Variants in ROBO1 observed in about 807,000 individuals in gnomAD.
ROBO1 encodes roundabout homolog 1.
ROBO1 carries 149 observed loss-of-function variants against 195.9 expected under a neutral mutation model. The observed-to-expected ratio is 0.76, with a 90% CI of 0.67 to 0.87. The LOEUF is 0.87. ROBO1 is among the 40% of genes least tolerant of loss of function. ROBO1 has a pLI of 0.00. For synonymous variants in ROBO1, 816 were observed against 733.2 expected (o/e 1.11, Z -1.82); for missense variants, 1,933 against 2,068.3 (o/e 0.93, Z 1.27).
intron 4 of ROBO1, among the ~76,000 whole-genome samples, chr3:78,831,680 G>C (rs908390766): frequency 6.6e-6 from 1 of 152,198 alleles, no homozygotes; most frequent in African/African-American, 2.4e-5. Flanking sequence ...TGCTCATAAA[G>C]ATGTACCCAA....
chr3:78,938,368 C>A, intron 4 of ROBO1: 1 of 442,144 alleles, frequency 2.3e-6, no homozygotes, highest in South Asian at 3.5e-5. Context: ...AAATCACTCC[C>A]AATCAAAAGT....
At chr3:79,216,124 C>T (rs185144446) in intron 2 of ROBO1, among the ~76,000 whole-genome samples, 1 of 152,002 alleles carries the variant, frequency 6.6e-6, no homozygotes, top group African/African-American at 2.4e-5. Context: ...ATAAAATAAG[C>T]AATGGTTTTG....
intron 2 of ROBO1, among the ~76,000 whole-genome samples, chr3:79,428,734 T>C (rs977242817): frequency 2.0e-5 from 3 of 152,090 alleles, no homozygotes; most frequent in Non-Finnish European, 2.9e-5. Flanking sequence ...GTCCACCGAA[T>C]GGTGAGTAGA....
intron 2 of ROBO1, among the ~76,000 whole-genome samples, chr3:79,568,178 A>G (rs955588296): frequency 6.6e-6 from 1 of 152,140 alleles, no homozygotes; most frequent in Admixed American, 6.6e-5. Flanking sequence ...TGCAGTTAAC[A>G]ACAACAACAA....
chr3:79,152,552 T>C (rs1461765962), intron 2 of ROBO1, among the ~76,000 whole-genome samples: 1 of 151,906 alleles, frequency 6.6e-6, no homozygotes, highest in Non-Finnish European at 1.5e-5. Flanking sequence ...AGGAAAATCA[T>C]GTTTATTATA....
At chr3:79,538,612 A>G (rs911167634) in intron 2 of ROBO1, among the ~76,000 whole-genome samples, 18 of 152,128 alleles carry the variant, frequency 1.2e-4, no homozygotes, top group African/African-American at 4.3e-4. Flanking sequence ...AACAATAGCA[A>G]GGCCACCCAT....
rs1317318981 is a variant in ROBO1 at position 79,745,792 on chromosome 3, A to T, written c.-51+21960T>A. Among the ~76,000 whole-genome samples the T allele has an allele frequency of 2.0e-5, 3 of 152,164 alleles. No homozygotes were observed. The East Asian group carries it at 5.8e-4, about 29-fold the overall frequency. ...GAAATAAGTTAGTTCATTAAGGATT[A>T]ATAAAACTATATATGTATACAATTG... On this transcript the variant is annotated intron_variant, in intron 1 of 30. Transcript: ENST00000464233.
intron 2 of ROBO1, among the ~76,000 whole-genome samples, chr3:79,376,742 A>T (rs924232797): frequency 2.0e-5 from 3 of 152,306 alleles, no homozygotes; most frequent in African/African-American, 7.2e-5. Context: ...AGTCTTGGGT[A>T]TATCTTTATT....
At chr3:79,205,290 G>A (rs561321418) in intron 2 of ROBO1, among the ~76,000 whole-genome samples, 4 of 152,016 alleles carry the variant, frequency 2.6e-5, no homozygotes, top group Admixed American at 6.6e-5. Flanking sequence ...CACCATGTCC[G>A]GCCTCTAGAG....
intron 3 of ROBO1, among the ~76,000 whole-genome samples, chr3:79,053,477 T>C (rs1357118001): frequency 2.0e-5 from 3 of 152,146 alleles, no homozygotes; most frequent in South Asian, 2.1e-4. Context: ...CGGAGTCAGC[T>C]AATGGCTCCA....
At chr3:79,295,989 T>C (rs1186199158) in intron 2 of ROBO1, among the ~76,000 whole-genome samples, 2 of 152,132 alleles carry the variant, frequency 1.3e-5, no homozygotes, top group African/African-American at 2.4e-5. Flanking sequence ...TTTGGTTACA[T>C]ATAAATATAT....
intron 8 of ROBO1, among the ~76,000 whole-genome samples, chr3:78,690,782 T>C (rs207463231): frequency 6.6e-6 from 1 of 152,096 alleles, no homozygotes; most frequent in Non-Finnish European, 1.5e-5. Flanking sequence ...TAGGAAAATA[T>C]AAATGTTCAA....
chr3:78,915,903 C>T (rs2038534604), intron 4 of ROBO1, among the ~76,000 whole-genome samples: 2 of 152,162 alleles, frequency 1.3e-5, no homozygotes, highest in Admixed American at 6.5e-5. Flanking sequence ...AGTCATCCTC[C>T]TGCCTTGGCC....
chr3:79,116,386 TCTC>T (rs1000821755), intron 3 of ROBO1, among the ~76,000 whole-genome samples: 2 of 150,610 alleles, frequency 1.3e-5, no homozygotes, highest in African/African-American at 4.9e-5. Context: ...TTTCTTTCTC[TCTC>T]CTTCCTTCCT....
intron 2 of ROBO1, among the ~76,000 whole-genome samples, chr3:79,145,924 G>A (rs1331958219): frequency 1.3e-5 from 2 of 151,878 alleles, no homozygotes; most frequent in Admixed American, 1.3e-4. Context: ...TACTGTAGAT[G>A]ATGTGATTAG....
chr3:79,250,442 T>G (rs1411107628), intron 2 of ROBO1, among the ~76,000 whole-genome samples: 1 of 152,204 alleles, frequency 6.6e-6, no homozygotes, highest in Non-Finnish European at 1.5e-5. Flanking sequence ...CCAAAAGGAC[T>G]TTTTGTATAT....
At chr3:79,015,076 GA>G (rs34443283) in intron 3 of ROBO1, among the ~76,000 whole-genome samples, 1 of 152,076 alleles carries the variant, frequency 6.6e-6, no homozygotes, top group African/African-American at 2.4e-5. Flanking sequence ...CAAAGACTAA[GA>G]AAAAACTTCA....
intron 3 of ROBO1, among the ~76,000 whole-genome samples, chr3:78,995,959 A>G (rs13069639): frequency 6.6e-6 from 1 of 152,032 alleles, no homozygotes; most frequent in Non-Finnish European, 1.5e-5. Flanking sequence ...ACCAGAGAAC[A>G]TGGGGGCTGC....
At chr3:78,641,294 C>T (rs563320194) in intron 21 of ROBO1, among the ~76,000 whole-genome samples, 251 of 152,242 alleles carry the variant, frequency 1.6e-3, no homozygotes, top group African/African-American at 5.8e-3. Flanking sequence ...AATTCATACC[C>T]TAGCAGGCTG....
Sources: allele counts gnomAD v4.1 joint callset (sites outside exome capture counted in the v4.1 genomes callset), GRCh38; gene constraint gnomAD v4.1.1; transcripts MANE v1.5; gene names NCBI Gene and HGNC (gene_info 2026-07-23, HGNC 2026-07-21).